Variants in GLYR1 observed in about 807,000 individuals in gnomAD.
The protein encoded by GLYR1 is cytokine-like nuclear factor N-PAC.
GLYR1 carries 21 observed loss-of-function variants against 72.7 expected under a neutral mutation model. The observed-to-expected ratio is 0.29, with a 90% confidence interval of 0.20 to 0.42. GLYR1 has a LOEUF of 0.42. Ranked by LOEUF, GLYR1 falls within the 10% of genes least tolerant of loss-of-function variation. GLYR1 has a pLI of 1.00. For synonymous variants in GLYR1, 392 were observed against 270.2 expected (o/e 1.45, Z -4.42); for missense variants, 594 against 712.1 (o/e 0.83, Z 1.89).
rs184954132 is a variant in GLYR1, at chr16:4,812,699, G to A, written c.1120-451C>T. On this transcript the variant is annotated intron_variant, in intron 12 of 15. Transcript: ENST00000321919. Reference sequence around the variant, plus strand: ...AGTAGAGACAGGTTTCACCATATTAGCCAGGATTGTCTTGATCTCCTGACC... The same window carrying A: ...AGTAGAGACAGGTTTCACCATATTAACCAGGATTGTCTTGATCTCCTGACC... 2.0e-4 allele frequency among the ~76,000 whole-genome samples: 30 copies of A among 151,404 alleles called. 1 individual carries two copies. In the East Asian group the frequency reaches 5.9e-3, roughly 30 times the overall value.
intron 15 of GLYR1, among the ~76,000 whole-genome samples, chr16:4,810,452 G>T (rs1161990667): frequency 6.6e-6 from 1 of 151,906 alleles, no homozygotes; most frequent in East Asian, 1.9e-4. Flanking sequence ...AGAGGCTGCA[G>T]TGAGCTGAGA....
intron 15 of GLYR1, 43 bp from the exon 16 acceptor site, chr16:4,805,353 C>T: frequency 6.5e-7 from 1 of 1,528,228 alleles, no homozygotes; most frequent in African/African-American, 1.4e-5. Context: ...CCCAGAGCTG[C>T]CTTCAAGACC....
intron 10 of GLYR1, among the ~76,000 whole-genome samples, chr16:4,817,395 A>G (rs567107639): frequency 5.9e-5 from 9 of 152,240 alleles, no homozygotes; most frequent in Admixed American, 5.9e-4. Flanking sequence ...CTGGGATTAC[A>G]GGAGTGAGCC....
chr16:4,847,030 TG>T (rs2086184635), intron 1 of GLYR1, 197 bp downstream of exon 1: 1 of 569,750 alleles, frequency 1.8e-6, no homozygotes, highest in Admixed American at 3.3e-5. Flanking sequence ...GTGCCCGACG[TG>T]GCCACCCTCG....
intron 3 of GLYR1, among the ~76,000 whole-genome samples, chr16:4,841,018 G>A (rs1279546358): frequency 1.3e-5 from 2 of 152,150 alleles, no homozygotes; most frequent in Non-Finnish European, 2.9e-5. Flanking sequence ...GTACCACAGT[G>A]ACTTCATTTT....
At chr16:4,811,123 GA>G in intron 15 of GLYR1, 46 bp downstream of exon 15, 1 of 1,521,756 alleles carries the variant, frequency 6.6e-7, no homozygotes, top group South Asian at 1.3e-5. Context: ...AAAAAAGAAA[GA>G]AAAAGAAACT....
chr16:4,805,336 C>G (rs1402251382), intron 15 of GLYR1, 26 bp from the exon 16 acceptor site: 2 of 1,603,598 alleles, frequency 1.2e-6, no homozygotes, highest in Non-Finnish European at 1.7e-6. Flanking sequence ...ATGGCTCAGT[C>G]TCTGGCCCCA....
In GLYR1 at chr16:4,832,928, C is replaced by T. The variant is rs777409736; in HGVS notation, c.156-16G>A. ...GATCCAGGCACTAGCAGAAAACAAA[C>T]ACAAAAAGGGTGTGAACCATATAGC... On this transcript the variant is annotated splice_polypyrimidine_tract_variant and intron_variant, in intron 3 of 15. Transcript: ENST00000321919. 4 of 1,603,400 alleles carry T rather than the reference C, an allele frequency of 2.5e-6. No individual in the cohort carries two copies. The highest frequency in any genetic ancestry group is 3.4e-6 in the Non-Finnish European group (4 of 1,175,044).
At chr16:4,836,328 C>T (rs1567787249) in intron 3 of GLYR1, among the ~76,000 whole-genome samples, 1 of 152,034 alleles carries the variant, frequency 6.6e-6, no homozygotes, top group East Asian at 1.9e-4. Context: ...TTTGTTGTTG[C>T]TACTGTTGGT....
intron 3 of GLYR1, among the ~76,000 whole-genome samples, chr16:4,843,199 G>A (rs2085691013): frequency 6.6e-6 from 1 of 152,006 alleles, no homozygotes; most frequent in South Asian, 2.1e-4. Context: ...CATAGTCTCA[G>A]TCTGTCACCC....
chr16:4,809,064 A>T (rs1181599270), intron 15 of GLYR1, among the ~76,000 whole-genome samples: 2 of 152,224 alleles, frequency 1.3e-5, no homozygotes, highest in African/African-American at 4.8e-5. Context: ...AATGGATAAA[A>T]ATCCAAACCC....
At chr16:4,846,143 A>T in intron 2 of GLYR1, 31 bp downstream of exon 2, 1 of 1,612,654 alleles carries the variant, frequency 6.2e-7, no homozygotes, top group Non-Finnish European at 8.5e-7. Flanking sequence ...ACCCAACTTC[A>T]GATCTCTTCC....
chr16:4,832,645 C>T, intron 4 of GLYR1, 129 bp downstream of exon 4: 2 of 1,121,280 alleles, frequency 1.8e-6, no homozygotes, highest in African/African-American at 1.6e-5. Flanking sequence ...CACCTTAGAA[C>T]TGAAGTAGCT....
chr16:4,827,878 C>T (rs1001258467), intron 5 of GLYR1, among the ~76,000 whole-genome samples: 2 of 151,736 alleles, frequency 1.3e-5, no homozygotes, highest in Non-Finnish European at 1.5e-5. Context: ...GCAGCCTGGG[C>T]GACAGCACGA....
chr16:4,834,173 C>T (rs2084972998), intron 3 of GLYR1, among the ~76,000 whole-genome samples: 1 of 152,112 alleles, frequency 6.6e-6, no homozygotes, highest in Non-Finnish European at 1.5e-5. Flanking sequence ...GGATCATCGG[C>T]CTGCAGATGT....
At chr16:4,843,578 G>A in intron 3 of GLYR1, 1 of 1,289,162 alleles carries the variant, frequency 7.8e-7, no homozygotes, top group Non-Finnish European at 1.0e-6. Context: ...GCTGGCTTGT[G>A]ATAGAGAAAT....
intron 5 of GLYR1, among the ~76,000 whole-genome samples, chr16:4,826,493 C>A (rs1329917441): frequency 6.6e-6 from 1 of 152,214 alleles, no homozygotes; most frequent in African/African-American, 2.4e-5. Flanking sequence ...TACTCTACAA[C>A]CCATGCTGCC....
At chr16:4,814,737 G>A (rs1382546886) in intron 10 of GLYR1, 90 bp from the exon 11 acceptor site, 5 of 1,058,936 alleles carry the variant, frequency 4.7e-6, no homozygotes, top group Non-Finnish European at 7.1e-6. Flanking sequence ...AGGCCTCCTG[G>A]CGGCCTACCA....
At chr16:4,816,213 A>G (rs1363785541) in intron 10 of GLYR1, among the ~76,000 whole-genome samples, 2 of 152,014 alleles carry the variant, frequency 1.3e-5, no homozygotes, top group Non-Finnish European at 2.9e-5. Context: ...GTATGATCAC[A>G]GCTCACTGCA....
Sources: allele counts gnomAD v4.1 joint callset (sites outside exome capture counted in the v4.1 genomes callset), GRCh38; gene constraint gnomAD v4.1.1; transcripts MANE v1.5; gene names NCBI Gene and HGNC (gene_info 2026-07-23, HGNC 2026-07-21).